GALNT18: variants seen among roughly 807,000 people sequenced by gnomAD.
GALNT18 encodes polypeptide N-acetylgalactosaminyltransferase 18.
GALNT18 carries 44 observed loss-of-function variants against 69.5 expected under a neutral mutation model. That is an observed-to-expected ratio of 0.63 (90% confidence interval 0.50 to 0.81). The LOEUF (loss-of-function observed/expected upper bound fraction) is 0.81, where lower values mean the gene tolerates loss of function less well. Ranked by LOEUF, GALNT18 falls within the 40% of genes least tolerant of loss-of-function variation. GALNT18 has a pLI of 0.00. For synonymous variants in GALNT18, 364 were observed against 318.2 expected (o/e 1.14, Z -1.53); for missense variants, 715 against 810.0 (o/e 0.88, Z 1.42).
intron 3 of GALNT18, among the ~76,000 whole-genome samples, chr11:11,400,426 A>T (rs1301393887): frequency 6.6e-6 from 1 of 152,240 alleles, no homozygotes; most frequent in Non-Finnish European, 1.5e-5. Context: ...TGCAAACTCA[A>T]AATGTGAGTA....
In GALNT18 at chr11:11,535,232, G is replaced by A. The variant is rs977323292; in HGVS notation, c.235+86127C>T. 3.3e-5 allele frequency among the ~76,000 whole-genome samples: 5 copies of A among 152,296 alleles called. No homozygotes were observed. The East Asian group carries it at 9.7e-4, about 29-fold the overall frequency. On this transcript the variant is annotated intron_variant, in intron 1 of 10. Coordinates refer to ENST00000227756, the MANE Select transcript of GALNT18 (RefSeq NM_198516.3). ...TGGCCCCCGGCCAGTTGGAGACCAG[G>A]GCACTCTGGTACCATGGGTAAAAGC...
rs77634867 is a variant in GALNT18 at position 11,360,071 on chromosome 11, C to G, written c.1092+12444G>C. Among the ~76,000 whole-genome samples, 986 of 152,142 alleles carry G rather than the reference C, an allele frequency of 6.5e-3. 7 individuals carry two copies. The highest frequency in any genetic ancestry group is 0.011 in the Admixed American group (174 of 15,288). On this transcript the variant is annotated intron_variant, in intron 6 of 10. Coordinates refer to ENST00000227756, the MANE Select transcript of GALNT18 (RefSeq NM_198516.3). ...CCTAGATAAACATATATATTAAGAC[C>G]ACATAAACACTTACTCCACCGTACA...
At chr11:11,279,059 C>T (rs1419399676) in intron 10 of GALNT18, among the ~76,000 whole-genome samples, 1 of 152,186 alleles carries the variant, frequency 6.6e-6, no homozygotes, top group African/African-American at 2.4e-5. Context: ...TCCCTCATGA[C>T]GGGCTTGGGC....
In GALNT18 at chr11:11,603,623, T is replaced by C. The variant is rs1590133082; in HGVS notation, c.235+17736A>G. On this transcript the variant is annotated intron_variant, in intron 1 of 10. Coordinates refer to ENST00000227756, the MANE Select transcript of GALNT18 (RefSeq NM_198516.3). The surrounding 1 kb of genome is among the most constrained non-coding windows in gnomAD (Gnocchi z 4.5). ...AATCTTCATGTTGCCACAAAGGCTA[T>C]ATTTTTAAATGTTTCCATTCCATAT... is the stretch of plus-strand genomic sequence containing the variant. Among the ~76,000 whole-genome samples, 1 of 152,156 alleles carries C rather than the reference T, an allele frequency of 6.6e-6. No homozygotes were observed. The highest frequency in any genetic ancestry group is 1.9e-4 in the East Asian group (1 of 5,182).
At chr11:11,355,825 G>A (rs1261213235) in intron 6 of GALNT18, among the ~76,000 whole-genome samples, 1 of 152,134 alleles carries the variant, frequency 6.6e-6, no homozygotes, top group African/African-American at 2.4e-5. Flanking sequence ...GTGCTCCAGA[G>A]ACCAGAGCCC....
chr11:11,609,258 G>T (rs76751848), intron 1 of GALNT18, among the ~76,000 whole-genome samples: 1 of 151,172 alleles, frequency 6.6e-6, no homozygotes, highest in Non-Finnish European at 1.5e-5. Context: ...TTCCCAACCC[G>T]CCCCTCTCTG....
At chr11:11,392,597 C>A (rs73419800) in intron 3 of GALNT18, among the ~76,000 whole-genome samples, 5 of 151,942 alleles carry the variant, frequency 3.3e-5, no homozygotes, top group African/African-American at 1.2e-4. Context: ...CTAGCCTGGG[C>A]GACAAAAGCG....
At chr11:11,529,148 A>G (rs1256936487) in intron 1 of GALNT18, among the ~76,000 whole-genome samples, 3 of 152,254 alleles carry the variant, frequency 2.0e-5, no homozygotes, top group Non-Finnish European at 4.4e-5. Flanking sequence ...CCATTGATGC[A>G]TGAGGTCACC....
At chr11:11,520,841 C>T (rs1173316377) in intron 1 of GALNT18, among the ~76,000 whole-genome samples, 1 of 152,170 alleles carries the variant, frequency 6.6e-6, no homozygotes, top group Non-Finnish European at 1.5e-5. Context: ...GCAGTCCCCT[C>T]AGCAGGAGCA....
chr11:11,416,094 C>T (rs79791282), intron 3 of GALNT18, among the ~76,000 whole-genome samples: 16,626 of 152,228 alleles, frequency 0.11, 1,037 homozygotes, highest in African/African-American at 0.17. Flanking sequence ...TTTGACAACA[C>T]AGACAAGCTC....
At position 11,421,382 on chromosome 11, in the gene GALNT18, C is replaced by T. The variant is rs1002889436; in HGVS notation, c.595+11239G>A. On this transcript the variant is annotated intron_variant, in intron 3 of 10. Transcript: ENST00000227756. This position sits in a 1 kb window ranked among gnomAD's most constrained non-coding sequence, Gnocchi z 5.6. ...GATGCTCATTTCAGGAGGAGCTTAT[C>T]GGTGGGAAGTCCCAGCCCCCATGAT... 4.6e-5 allele frequency among the ~76,000 whole-genome samples: 7 copies of T among 152,110 alleles called. No homozygotes were observed. The highest frequency in any genetic ancestry group is 1.0e-4 in the Non-Finnish European group (7 of 68,022).
At chr11:11,450,231 C>T (rs1855761710) in intron 1 of GALNT18, among the ~76,000 whole-genome samples, 1 of 152,208 alleles carries the variant, frequency 6.6e-6, no homozygotes, top group Non-Finnish European at 1.5e-5. Context: ...CCCACATCCC[C>T]TTGTTGGCCT....
At chr11:11,307,424 A>ACC (rs1414248385) in intron 9 of GALNT18, among the ~76,000 whole-genome samples, 6 of 152,302 alleles carry the variant, frequency 3.9e-5, no homozygotes, top group Admixed American at 3.9e-4. Context: ...TATTTAAATA[A>ACC]CCCTGGGGAA....
At chr11:11,422,371 C>T (rs1855030386) in intron 3 of GALNT18, among the ~76,000 whole-genome samples, 1 of 152,256 alleles carries the variant, frequency 6.6e-6, no homozygotes, top group Admixed American at 6.5e-5. Flanking sequence ...GGGTGGTGTG[C>T]ACCCCAAGGT....
rs1564900049 is a variant in GALNT18 at position 11,337,817 on chromosome 11, A to C, written c.1278+3002T>G. 6.6e-6 allele frequency among the ~76,000 whole-genome samples: 1 copy of C among 152,178 alleles called. No individual in the cohort carries two copies. Among genetic ancestry groups the C allele is most frequent in the East Asian group, 1.9e-4 (1 of 5,180 alleles). On this transcript the variant is annotated intron_variant, in intron 7 of 10. Coordinates refer to ENST00000227756, the MANE Select transcript of GALNT18 (RefSeq NM_198516.3). The surrounding 1 kb of genome is among the most constrained non-coding windows in gnomAD (Gnocchi z 4.9). ...AGTCCACGCAACGTATGCAGACTTC[A>C]AAACAGGGAGTGGTAGGCAGTGGGA...
intron 1 of GALNT18, chr11:11,475,655 T>C (rs1220847226): frequency 6.6e-6 from 1 of 152,242 alleles, no homozygotes; most frequent in Non-Finnish European, 1.5e-5. Context: ...ACAATACTGC[T>C]AGCCAGCCCT....
intron 1 of GALNT18, among the ~76,000 whole-genome samples, chr11:11,483,788 G>T (rs932602980): frequency 6.6e-6 from 1 of 152,208 alleles, no homozygotes; most frequent in Non-Finnish European, 1.5e-5. Context: ...GTGATGGGAG[G>T]TGTGCTTTCA....
chr11:11,376,792 A>G lies in GALNT18; in HGVS notation c.977+390T>C, dbSNP rs949798783. Among the ~76,000 whole-genome samples, 12 of 152,250 alleles carry G rather than the reference A, an allele frequency of 7.9e-5. No homozygotes were observed. In the East Asian group the frequency reaches 2.3e-3, roughly 29 times the overall value. The stretch of plus-strand genomic sequence containing the variant: ...GTGAAAATGCTGCCCTCTGAAAAGC[A>G]TTTCCCCGCTTTCAATGCAGTTTCT... On this transcript the variant is annotated intron_variant, in intron 5 of 10. Coordinates refer to ENST00000227756, the MANE Select transcript of GALNT18 (RefSeq NM_198516.3).
At position 11,286,598 on chromosome 11, in the gene GALNT18, A is replaced by AG. The variant is rs1328979685; in HGVS notation, c.1677+6430dup. On this transcript the variant is annotated intron_variant, in intron 10 of 10. Coordinates refer to ENST00000227756, the MANE Select transcript of GALNT18 (RefSeq NM_198516.3). The stretch of plus-strand genomic sequence containing the variant: ...AAACCTAGCTCAAGACCTTGCACAC[A>AG]GGGGGGACTTTGGTTAAGATTTGTG... 3.9e-5 allele frequency among the ~76,000 whole-genome samples: 6 copies of AG among 152,060 alleles called. No homozygotes were observed. The South Asian group carries it at 1.0e-3, about 26-fold the overall frequency.
Sources: gnomAD v4.1 joint callset for allele counts (sites outside exome capture counted in the v4.1 genomes callset) on GRCh38, gnomAD v4.1.1 for gene constraint, Gnocchi (gnomAD v3.1) non-coding constraint, MANE v1.5 for transcripts, NCBI Gene and HGNC (gene_info 2026-07-23, HGNC 2026-07-21) for gene names.